PDE4D: variants seen among roughly 807,000 people sequenced by gnomAD.
PDE4D encodes 3',5'-cyclic-AMP phosphodiesterase 4D.
A neutral mutation model predicts 87.4 loss-of-function variants in PDE4D; 24 were observed. The ratio of observed to expected loss-of-function variants is 0.27; its 90% confidence interval spans 0.20 to 0.39. The LOEUF (loss-of-function observed/expected upper bound fraction) is 0.39, where lower values mean the gene tolerates loss of function less well. Ranked by LOEUF, PDE4D falls within the 10% of genes least tolerant of loss-of-function variation. The pLI is 1.00. For missense variants in PDE4D, 714 were observed against 1,041.0 expected (o/e 0.69, Z 4.32); for synonymous variants, 384 against 383.2 (o/e 1.00, Z -0.02).
At chr5:59,006,390 C>A (rs1751622060) in intron 6 of PDE4D, among the ~76,000 whole-genome samples, 1 of 151,886 alleles carries the variant, frequency 6.6e-6, no homozygotes. Flanking sequence ...CATAGAGAAA[C>A]CACCGTCTCT....
intron 1 of PDE4D, among the ~76,000 whole-genome samples, chr5:60,258,654 T>C (rs1201337457): frequency 1.3e-5 from 2 of 151,684 alleles, no homozygotes; most frequent in Non-Finnish European, 2.9e-5. Flanking sequence ...TATAAATAAA[T>C]AAATAATGAA....
intron 1 of PDE4D, among the ~76,000 whole-genome samples, chr5:60,379,480 G>T (rs1045127739): frequency 1.3e-5 from 2 of 152,200 alleles, no homozygotes; most frequent in Admixed American, 6.5e-5. Context: ...GTGCAAAGCA[G>T]CTCTGAGGAC....
At chr5:60,395,766 A>AC (rs1762844787) in intron 1 of PDE4D, among the ~76,000 whole-genome samples, 1 of 151,516 alleles carries the variant, frequency 6.6e-6, no homozygotes, top group Non-Finnish European at 1.5e-5. Flanking sequence ...AGAAAAAAAA[A>AC]AAAAGCAAAC....
At position 60,169,840 on chromosome 5, in the gene PDE4D, T is replaced by TA. The variant is rs141945475; in HGVS notation, c.42+15716dup. On this transcript the variant is annotated intron_variant, in intron 2 of 16. Transcript: ENST00000502484. ...AGAGAATGCAATAACAATAATTTTT[T>TA]AAATCCATTAATTTCCATTCTTCTT... Among the ~76,000 whole-genome samples the TA allele has an allele frequency of 3.8e-3, 583 of 152,174 alleles. 5 individuals are homozygous for TA. The highest frequency in any genetic ancestry group is 0.013 in the African/African-American group (552 of 41,558).
intron 3 of PDE4D, among the ~76,000 whole-genome samples, chr5:59,947,405 G>A (rs942920729): frequency 6.6e-6 from 1 of 152,082 alleles, no homozygotes; most frequent in African/African-American, 2.4e-5. Context: ...TCTAGTGTGG[G>A]CGGCCCGGGG....
intron 1 of PDE4D, among the ~76,000 whole-genome samples, chr5:59,829,144 T>TACACAC (rs71606607): frequency 0.13 from 18,997 of 150,534 alleles, 1,331 homozygotes; most frequent in Middle Eastern, 0.22. Flanking sequence ...TATACTTATC[T>TACACAC]ACACACACAC....
At chr5:59,369,669 C>A (rs985795039) in intron 1 of PDE4D, among the ~76,000 whole-genome samples, 5 of 152,066 alleles carry the variant, frequency 3.3e-5, no homozygotes, top group Non-Finnish European at 5.9e-5. Context: ...CAACTCTGGA[C>A]CCTCAATGTT....
intron 1 of PDE4D, among the ~76,000 whole-genome samples, chr5:59,565,396 G>A (rs1185824685): frequency 6.6e-6 from 1 of 152,160 alleles, no homozygotes; most frequent in Admixed American, 6.5e-5. Flanking sequence ...GTTTGCACCT[G>A]TAGTCCCACC....
At chr5:60,216,998 A>G (rs752884201) in intron 1 of PDE4D, among the ~76,000 whole-genome samples, 47 of 152,094 alleles carry the variant, frequency 3.1e-4, no homozygotes, top group Non-Finnish European at 5.9e-4. Context: ...CTCAATGCAC[A>G]TGGGACATTT....
At chr5:59,407,353 T>C (rs1221987874) in intron 1 of PDE4D, among the ~76,000 whole-genome samples, 1 of 152,200 alleles carries the variant, frequency 6.6e-6, no homozygotes, top group African/African-American at 2.4e-5. Context: ...ATTATGCTTG[T>C]ACAGCCTGCA....
At chr5:60,318,057 T>G (rs59899239) in intron 1 of PDE4D, among the ~76,000 whole-genome samples, 134 of 152,304 alleles carry the variant, frequency 8.8e-4, no homozygotes, top group African/African-American at 3.2e-3. Flanking sequence ...ACTTTCTGTC[T>G]CGTTGATCTG....
intron 1 of PDE4D, among the ~76,000 whole-genome samples, chr5:60,422,437 C>A (rs1266633435): frequency 6.6e-6 from 1 of 152,124 alleles, no homozygotes; most frequent in African/African-American, 2.4e-5. Flanking sequence ...TCATATCCAG[C>A]CAAACTAAGC....
chr5:59,768,079 T>C lies in PDE4D; in HGVS notation c.455+125089A>G, dbSNP rs34392535. Among the ~76,000 whole-genome samples, 67 of 152,290 alleles carry C rather than the reference T, an allele frequency of 4.4e-4. No individual in the cohort carries two copies. In the East Asian group the frequency reaches 0.012, roughly 28 times the overall value. On this transcript the variant is annotated intron_variant, in intron 1 of 14. Coordinates refer to ENST00000340635, the MANE Select transcript of PDE4D (RefSeq NM_001104631.2). Reference sequence around the variant, plus strand: ...GTACCAGTCTCCAGGATTCTTGCCCTGACTTGGACATTTGTGGGATTTATG... The same window carrying C: ...GTACCAGTCTCCAGGATTCTTGCCCCGACTTGGACATTTGTGGGATTTATG...
intron 1 of PDE4D, among the ~76,000 whole-genome samples, chr5:59,872,033 C>T (rs1747883292): frequency 6.6e-6 from 1 of 152,104 alleles, no homozygotes; most frequent in Non-Finnish European, 1.5e-5. Context: ...CTCAACTCCA[C>T]CAAGCCCACG....
intron 5 of PDE4D, among the ~76,000 whole-genome samples, chr5:59,165,556 G>T: frequency 6.6e-6 from 1 of 152,314 alleles, no homozygotes; most frequent in South Asian, 2.1e-4. Flanking sequence ...AATTACAGGC[G>T]TGAGCAACCA....
intron 1 of PDE4D, among the ~76,000 whole-genome samples, chr5:60,292,154 T>C (rs1450996925): frequency 1.3e-5 from 2 of 152,178 alleles, no homozygotes; most frequent in Admixed American, 1.3e-4. Context: ...GACATTATTT[T>C]TCTGAATAGA....
intron 1 of PDE4D, among the ~76,000 whole-genome samples, chr5:59,792,496 C>T (rs1323817041): frequency 6.7e-6 from 1 of 149,878 alleles, no homozygotes; most frequent in Admixed American, 6.6e-5. Context: ...ATGGAAAAAG[C>T]ACTAACAAGG....
intron 5 of PDE4D, among the ~76,000 whole-genome samples, chr5:59,121,536 CA>C (rs1411059227): frequency 6.7e-6 from 1 of 150,248 alleles, no homozygotes; most frequent in Non-Finnish European, 1.5e-5. Context: ...ATTAAAAATG[CA>C]AAAAATAATA....
chr5:59,641,417 C>A (rs1194618315), intron 1 of PDE4D, among the ~76,000 whole-genome samples: 2 of 152,192 alleles, frequency 1.3e-5, no homozygotes, highest in Non-Finnish European at 2.9e-5. Context: ...CCTTCAGAAT[C>A]CCTTCTTTTC....
Sources: allele counts gnomAD v4.1 joint callset (sites outside exome capture counted in the v4.1 genomes callset), GRCh38; gene constraint gnomAD v4.1.1; transcripts MANE v1.5; gene names NCBI Gene and HGNC (gene_info 2026-07-23, HGNC 2026-07-21).